The following PCDHA11 variants were observed in gnomAD, a reference collection of about 807,000 sequenced individuals.
PCDHA11 encodes protocadherin alpha 11.
PCDHA11 carries 61 observed loss-of-function variants against 70.3 expected under a neutral mutation model. The observed-to-expected ratio is 0.87, with a 90% CI of 0.71 to 1.07. PCDHA11 has a LOEUF of 1.07. Ranked by LOEUF, PCDHA11 falls within the 50% of genes least tolerant of loss-of-function variation. PCDHA11 has a pLI of 0.00. For synonymous variants in PCDHA11, 633 were observed against 555.1 expected, an observed-to-expected ratio of 1.14 and a Z score of -1.97; for missense variants, 1,324 against 1,237.5, an observed-to-expected ratio of 1.07 and a Z score of -1.05.
rs1554178111 is a variant in PCDHA11 at position 140,883,417 on chromosome 5, A to G, written c.2391+11923A>G. On this transcript the variant is annotated intron_variant, in intron 1 of 3. Transcript: ENST00000398640. Reference sequence around the variant, plus strand: ...CCGATCGTGACTCTGGCTCAAATGGACAGGTCACCTGCACCTTGACGCCGC... The same window carrying G: ...CCGATCGTGACTCTGGCTCAAATGGGCAGGTCACCTGCACCTTGACGCCGC... 3.1e-6 allele frequency: 5 copies of G among 1,614,146 alleles called. No homozygotes were observed. The South Asian group carries it at 5.5e-5, about 18-fold the overall frequency.
chr5:140,962,237 C>G (rs982591816), intron 1 of PCDHA11, among the ~76,000 whole-genome samples: 5 of 152,108 alleles, frequency 3.3e-5, no homozygotes, highest in Non-Finnish European at 5.9e-5. Context: ...TTCACTTAAC[C>G]ATTTTCTTCA....
At chr5:140,998,585 A>C (rs1227951754) in intron 3 of PCDHA11, among the ~76,000 whole-genome samples, 1 of 148,644 alleles carries the variant, frequency 6.7e-6, no homozygotes, top group Non-Finnish European at 1.5e-5. Context: ...TTTTTTTGAG[A>C]CAGAGTTTTG....
In PCDHA11 at chr5:141,011,214, T is replaced by C. The variant is rs2098419822; in HGVS notation, c.*1277T>C. On this transcript the variant is annotated 3_prime_UTR_variant, in exon 4 of 4. Transcript: ENST00000398640. ...ATTGTTTTCTCATACAGTGAGCAGA[T>C]TTTTCAATCTACTAATTCTGTGACT... 1 of 153,748 alleles carries C rather than the reference T, an allele frequency of 6.5e-6. No individual in the cohort carries two copies. Among genetic ancestry groups the C allele is most frequent in the African/African-American group, 2.4e-5 (1 of 41,448 alleles). The allele number at this position is 153,748 out of a possible 1,614,324, so 9.5% of individuals were successfully genotyped here. A position where few individuals can be genotyped will look rare whatever the true frequency, so the allele number is the denominator to read the frequency against.
chr5:140,906,252 C>A (rs1376694912), intron 1 of PCDHA11, among the ~76,000 whole-genome samples: 1 of 152,180 alleles, frequency 6.6e-6, no homozygotes, highest in African/African-American at 2.4e-5. Context: ...AACCCATACA[C>A]ACCTCCTGAA....
chr5:140,896,260 G>A (rs1304707341), intron 1 of PCDHA11, among the ~76,000 whole-genome samples: 1 of 152,230 alleles, frequency 6.6e-6, no homozygotes, highest in African/African-American at 2.4e-5. Context: ...TATGTACACA[G>A]TTATGGGATT....
chr5:140,876,715 C>A (rs570565884), intron 1 of PCDHA11: 7 of 1,614,232 alleles, frequency 4.3e-6, no homozygotes, highest in East Asian at 2.2e-5. Context: ...CGCCCTGGAC[C>A]GCGAGAGCGT....
chr5:140,952,566 G>A (rs1198943972), intron 1 of PCDHA11, among the ~76,000 whole-genome samples: 1 of 151,938 alleles, frequency 6.6e-6, no homozygotes, highest in African/African-American at 2.4e-5. Flanking sequence ...TCAGCACTTC[G>A]GTCCCAATCA....
At chr5:140,880,877 A>G (rs1399131370) in intron 1 of PCDHA11, among the ~76,000 whole-genome samples, 8 of 152,232 alleles carry the variant, frequency 5.3e-5, no homozygotes, top group Non-Finnish European at 8.8e-5. Context: ...GAGGTAAATA[A>G]AGAAATGTAG....
At chr5:140,967,869 C>A in intron 1 of PCDHA11, 1 of 1,614,160 alleles carries the variant, frequency 6.2e-7, no homozygotes, top group South Asian at 1.1e-5. Flanking sequence ...GTGGTGCTCA[C>A]GGACCTGTAT....
intron 1 of PCDHA11, among the ~76,000 whole-genome samples, chr5:140,959,421 TTTG>T (rs1393541693): frequency 6.6e-6 from 1 of 152,102 alleles, no homozygotes; most frequent in East Asian, 1.9e-4. Flanking sequence ...GATCTGAGAA[TTTG>T]TGTATTTTTT....
intron 1 of PCDHA11, among the ~76,000 whole-genome samples, chr5:140,957,275 C>T (rs1203444899): frequency 6.6e-6 from 1 of 152,158 alleles, no homozygotes; most frequent in African/African-American, 2.4e-5. Flanking sequence ...CTAGTCCCCC[C>T]TTACCTGCAG....
At chr5:141,003,221 G>A (rs2098116088) in intron 3 of PCDHA11, among the ~76,000 whole-genome samples, 1 of 152,206 alleles carries the variant, frequency 6.6e-6, no homozygotes, top group Admixed American at 6.5e-5. Flanking sequence ...GCATGAAAGA[G>A]GAAAGCTGGA....
At chr5:140,993,521 G>A (rs1554253818) in intron 3 of PCDHA11, among the ~76,000 whole-genome samples, 1 of 151,130 alleles carries the variant, frequency 6.6e-6, no homozygotes, top group African/African-American at 2.4e-5. Context: ...GGGAGAGAGA[G>A]ACAGAGAGAG....
At chr5:140,988,831 A>G (rs1005821454) in intron 3 of PCDHA11, 6 of 152,208 alleles carry the variant, frequency 3.9e-5, no homozygotes, top group Non-Finnish European at 7.3e-5. Flanking sequence ...AACAGAGATC[A>G]CGTGTCTCCT....
At chr5:140,982,217 C>A in intron 2 of PCDHA11, 1 of 507,664 alleles carries the variant, frequency 2.0e-6, no homozygotes, top group Non-Finnish European at 3.1e-6. Flanking sequence ...CGCCACATGG[C>A]GTTAATAAAA....
At chr5:140,995,903 G>A (rs1554254885) in intron 3 of PCDHA11, among the ~76,000 whole-genome samples, 2 of 152,206 alleles carry the variant, frequency 1.3e-5, no homozygotes, top group East Asian at 1.9e-4. Flanking sequence ...ATGTATAAAA[G>A]AGGAGAGACC....
At chr5:140,966,568 G>A (rs2096022635) in intron 1 of PCDHA11, 1 of 499,094 alleles carries the variant, frequency 2.0e-6, no homozygotes, top group African/African-American at 2.0e-5. Flanking sequence ...CTGGAATATG[G>A]GGAGTCAGCG....
intron 1 of PCDHA11, among the ~76,000 whole-genome samples, chr5:140,889,945 C>A (rs2153428950): frequency 6.6e-6 from 1 of 152,212 alleles, no homozygotes; most frequent in Non-Finnish European, 1.5e-5. Flanking sequence ...TTGTGAGAAG[C>A]CAAATGGATA....
At chr5:141,005,610 G>C (rs1184044588) in intron 3 of PCDHA11, among the ~76,000 whole-genome samples, 1 of 147,582 alleles carries the variant, frequency 6.8e-6, no homozygotes, top group Non-Finnish European at 1.5e-5. Context: ...GCTGAGGCAG[G>C]AGAATGGCGT....
Sources: gnomAD v4.1 joint callset for allele counts (sites outside exome capture counted in the v4.1 genomes callset) on GRCh38, gnomAD v4.1.1 for gene constraint, MANE v1.5 for transcripts, NCBI Gene and HGNC (gene_info 2026-07-23, HGNC 2026-07-21) for gene names.